The following MYH11 variants were observed in gnomAD, a reference collection of about 807,000 sequenced individuals.
The protein encoded by MYH11 is myosin-11.
MYH11 carries 80 observed loss-of-function variants against 246.6 expected under a neutral mutation model. That is an observed-to-expected ratio of 0.32 (90% CI 0.27 to 0.39). The LOEUF (loss-of-function observed/expected upper bound fraction) is 0.39, where lower values mean the gene tolerates loss of function less well. Among genes scored for constraint, MYH11 ranks in the 10% least tolerant of loss-of-function variants. The probability of loss-of-function intolerance (pLI) is 1.00; values close to 1 mark genes in which losing one functional copy is unlikely to be tolerated. For missense variants in MYH11, 2,158 were observed against 2,546.8 expected, an observed-to-expected ratio of 0.85 and a Z score of 3.29; for synonymous variants, 1,071 against 1,015.5, an observed-to-expected ratio of 1.05 and a Z score of -1.04.
chr16:15,705,727 A>AT (rs2039412467), intron 40 of MYH11, among the ~76,000 whole-genome samples: 1 of 152,106 alleles, frequency 6.6e-6, no homozygotes, highest in African/African-American at 2.4e-5. Context: ...CACACCTGTA[A>AT]TCTCAGCACT....
chr16:15,763,868 C>T lies in MYH11; in HGVS notation c.1057G>A (p.Val353Ile). 6.2e-7 allele frequency: 1 copy of T among 1,612,716 alleles called. No individual in the cohort carries two copies. The highest frequency in any genetic ancestry group is 8.5e-7 in the Non-Finnish European group (1 of 1,179,534). The change falls in exon 10 of 41, where the codon GTC (valine) becomes ATC (isoleucine). Residue 353 changes from valine to isoleucine, a missense_variant. Physicochemically the swap from Val to Ile is conservative, Grantham distance 29. Transcript: ENST00000300036. ...AAGACGATATTTCCAAGCTGCAGGACCGATGATACCACCTTCAATATGGCT... is the reference window on the plus strand; with the variant it reads ...AAGACGATATTTCCAAGCTGCAGGATCGATGATACCACCTTCAATATGGCT... ...QLSILKVVSS[V>I]LQLGNIVFKK...
chr16:15,779,911 CGT>C (rs1480495090), intron 6 of MYH11, among the ~76,000 whole-genome samples: 1 of 152,204 alleles, frequency 6.6e-6, no homozygotes. Context: ...GAAGTGTTGG[CGT>C]GTGTGGACAC....
chr16:15,840,059 T>TA (rs201020401), intron 1 of MYH11, among the ~76,000 whole-genome samples: 1,838 of 151,114 alleles, frequency 0.012, 49 homozygotes, highest in African/African-American at 0.043. Context: ...TCAAAAAAAT[T>TA]AAAAAAAAGA....
At chr16:15,713,758 T>A (rs1286801760) in intron 40 of MYH11, 2 of 152,308 alleles carry the variant, frequency 1.3e-5, no homozygotes, top group Non-Finnish European at 2.9e-5. Context: ...GTGCTGGGAT[T>A]ATAGGTGTGA....
chr16:15,724,763 CGTT>C lies in MYH11; in HGVS notation c.3997_3999del (p.Asn1333del). The C allele has an allele frequency of 6.2e-7, 1 of 1,614,124 alleles. No individual in the cohort carries two copies. Among genetic ancestry groups the C allele is most frequent in the Non-Finnish European group, 8.5e-7 (1 of 1,180,024 alleles). ...TCCAGCTGGCGCAGCTTCGTAGACA[CGTT>C]GAGCTTCTGCCGGGTTTCTTCTTGA... On this transcript the variant is annotated inframe_deletion, in exon 30 of 41. Coordinates refer to ENST00000300036, the MANE Select transcript of MYH11 (RefSeq NM_002474.3).
chr16:15,718,377 G>T lies in MYH11; in HGVS notation c.5233C>A (p.Leu1745Met). 2 of 1,606,120 alleles carry T rather than the reference G, an allele frequency of 1.2e-6. No individual in the cohort carries two copies. Among genetic ancestry groups the T allele is most frequent in the Non-Finnish European group, 1.7e-6 (2 of 1,178,566 alleles). The change falls in exon 37 of 41, where the codon CTG becomes ATG. Residue 1745 changes from leucine (L) to methionine (M), a missense_variant. Physicochemically the swap from Leu to Met is conservative, Grantham distance 15. This residue lies in a region of MYH11 where 1,013 missense variants were observed against 993.5 expected (regional missense o/e 1.02). Coordinates refer to ENST00000300036, the MANE Select transcript of MYH11 (RefSeq NM_002474.3). The stretch of plus-strand genomic sequence containing the variant: ...TCCATGTTGCCCTGCTCCTCCTCCA[G>T]CTCCTCCTCCAGCTGGGCGATCCGG... ...EARIAQLEEE[L>M]EEEQGNMEAM...
At chr16:15,777,270 T>C (rs1357115593) in intron 7 of MYH11, among the ~76,000 whole-genome samples, 2 of 152,100 alleles carry the variant, frequency 1.3e-5, no homozygotes, top group Non-Finnish European at 1.5e-5. Flanking sequence ...TACAGGTGCA[T>C]GCCACCACGC....
At chr16:15,709,584 G>A (rs1199818038) in intron 40 of MYH11, among the ~76,000 whole-genome samples, 3 of 152,142 alleles carry the variant, frequency 2.0e-5, no homozygotes, top group African/African-American at 7.2e-5. Flanking sequence ...CAAAGAGCTG[G>A]GATTACAGGT....
chr16:15,756,553 C>T (rs747776032), intron 13 of MYH11, 39 bp from the exon 14 acceptor site: 1 of 1,610,798 alleles, frequency 6.2e-7, no homozygotes, highest in South Asian at 1.1e-5. Flanking sequence ...GAGAGAACAC[C>T]CAACCTCAGG....
chr16:15,717,005 C>T, intron 38 of MYH11, 135 bp downstream of exon 38: 1 of 979,672 alleles, frequency 1.0e-6, no homozygotes, highest in Non-Finnish European at 1.6e-6. Flanking sequence ...TCACAACATA[C>T]CTGCACTGTA....
intron 40 of MYH11, among the ~76,000 whole-genome samples, chr16:15,709,163 A>G (rs2039639012): frequency 6.6e-6 from 1 of 151,616 alleles, no homozygotes. Flanking sequence ...GCTTGTCTCC[A>G]ACTCCTGATG....
rs1256091786 is a variant in MYH11 at position 15,720,299 on chromosome 16, T to A, written c.4805A>T (p.Glu1602Val). ...CTTTCGCTCGTCTTCCAGTTCCGTCTCATACTCGTGAAGCTGGGCGAGGAA... is the reference window on the plus strand; with the variant it reads ...CTTTCGCTCGTCTTCCAGTTCCGTCACATACTCGTGAAGCTGGGCGAGGAA... Reference protein sequence around the residue: ...RQLQRQLHEYETELEDERKQR... With the variant: ...RQLQRQLHEYVTELEDERKQR... The change falls in exon 34 of 41, where the codon GAG (glutamate) becomes GTG (valine). Residue 1602 changes from glutamate (E) to valine (V), a missense_variant. Physicochemically the swap from Glu to Val is moderately radical, Grantham distance 121. This residue lies in a region of MYH11 where 1,013 missense variants were observed against 993.5 expected (regional missense o/e 1.02). Coordinates refer to ENST00000300036, the MANE Select transcript of MYH11 (RefSeq NM_002474.3). 4 of 1,614,016 alleles carry A rather than the reference T, an allele frequency of 2.5e-6. No homozygotes were observed. The highest frequency in any genetic ancestry group is 8.5e-7 in the Non-Finnish European group (1 of 1,179,976).
rs149228503 is a variant in MYH11 at position 15,718,623 on chromosome 16, G to A, written c.5172-185C>T. On this transcript the variant is annotated intron_variant, in intron 36 of 40. Transcript: ENST00000300036. The stretch of plus-strand genomic sequence containing the variant: ...GAAGTGGACAGCCGGGACTCAGGCC[G>A]GGTCCGTGTCAGCAAAGCTGGGATT... The A allele has an allele frequency of 4.1e-5, 37 of 892,364 alleles. No homozygotes were observed. In the East Asian group the frequency reaches 4.5e-4, roughly 11 times the overall value. 55.3% of individuals were successfully genotyped at this position (892,364 alleles called of 1,614,324 possible).
intron 2 of MYH11, among the ~76,000 whole-genome samples, chr16:15,833,518 G>A (rs2043810340): frequency 6.6e-6 from 1 of 152,048 alleles, no homozygotes; most frequent in Non-Finnish European, 1.5e-5. Flanking sequence ...CTCCCCGCCA[G>A]GTATGCCACA....
At chr16:15,732,353 G>A in intron 27 of MYH11, 1 of 687,328 alleles carries the variant, frequency 1.5e-6, no homozygotes, top group East Asian at 2.8e-5. Context: ...TCCCGCCTCA[G>A]CCTCCCCAAG....
intron 3 of MYH11, among the ~76,000 whole-genome samples, chr16:15,817,121 G>A (rs2043281073): frequency 6.6e-6 from 1 of 152,170 alleles, no homozygotes; most frequent in Non-Finnish European, 1.5e-5. Flanking sequence ...TGTCTCTTGG[G>A]AGGGAAGCTA....
chr16:15,806,445 A>C (rs564554082), intron 3 of MYH11, among the ~76,000 whole-genome samples: 23 of 152,108 alleles, frequency 1.5e-4, no homozygotes, highest in Middle Eastern at 3.2e-3. Flanking sequence ...ATATGGAGTG[A>C]CAAAAAAATG....
At chr16:15,790,993 A>G (rs1295699759) in intron 4 of MYH11, 8 of 97,806 alleles carry the variant, frequency 8.2e-5, no homozygotes, top group East Asian at 2.9e-4. Context: ...CTCTTGCTCT[A>G]TTGCCCAGGC....
intron 8 of MYH11, among the ~76,000 whole-genome samples, chr16:15,774,285 T>C (rs922325136): frequency 1.3e-5 from 2 of 152,218 alleles, no homozygotes; most frequent in African/African-American, 4.8e-5. Flanking sequence ...TCCAGTTCTA[T>C]CATCTAGAAT....
Sources: allele counts gnomAD v4.1 joint callset (sites outside exome capture counted in the v4.1 genomes callset), GRCh38; gene constraint gnomAD v4.1.1; regional missense constraint gnomAD v4.1.1; transcripts MANE v1.5; gene names NCBI Gene and HGNC (gene_info 2026-07-23, HGNC 2026-07-21).